Variants in KSR2 observed in about 807,000 individuals in gnomAD.
The protein encoded by KSR2 is kinase suppressor of ras 2.
Under a neutral mutation model 107.8 loss-of-function variants are expected in KSR2, and 25 were observed. That is an observed-to-expected ratio of 0.23 (90% confidence interval 0.17 to 0.32). KSR2 has a LOEUF of 0.32. KSR2 is among the 10% of genes least tolerant of loss of function. KSR2 has a pLI of 1.00. For synonymous variants in KSR2, 480 were observed against 507.0 expected (o/e 0.95, Z 0.71); for missense variants, 887 against 1,268.9 (o/e 0.70, Z 4.57).
chr12:117,825,817 G>T (rs530262408), intron 3 of KSR2, among the ~76,000 whole-genome samples: 1 of 150,846 alleles, frequency 6.6e-6, no homozygotes, highest in East Asian at 2.0e-4. Flanking sequence ...ACAGATGGAA[G>T]AATGGATAGA....
intron 3 of KSR2, among the ~76,000 whole-genome samples, chr12:117,829,641 TACAA>T (rs1891882792): frequency 6.6e-6 from 1 of 152,228 alleles, no homozygotes; most frequent in African/African-American, 2.4e-5. Flanking sequence ...GACAGAGGTC[TACAA>T]ACATTTTCTA....
intron 1 of KSR2, among the ~76,000 whole-genome samples, chr12:117,964,994 T>C (rs1289349628): frequency 6.6e-6 from 1 of 152,220 alleles, no homozygotes; most frequent in Non-Finnish European, 1.5e-5. Context: ...AACATGTCAT[T>C]TCAGGCAATG....
intron 1 of KSR2, among the ~76,000 whole-genome samples, chr12:117,931,818 T>C (rs955374938): frequency 2.0e-5 from 3 of 152,190 alleles, no homozygotes; most frequent in Non-Finnish European, 2.9e-5. Flanking sequence ...ATGGTTAACA[T>C]TGAGTGCCTG....
rs2136509290 is a variant in KSR2, at chr12:117,674,076, T to C, written c.987-6418A>G. On this transcript the variant is annotated intron_variant, in intron 4 of 19. Transcript: ENST00000339824. ...CTCAGCTCCAGGCCATCACCTATGC[T>C]TAGGAAAATGCATGTTTCCCAAGTA... Among the ~76,000 whole-genome samples the C allele has an allele frequency of 2.0e-5, 3 of 152,288 alleles. 1 individual carries two copies. The South Asian group carries it at 6.2e-4, about 32-fold the overall frequency.
At chr12:117,582,436 AG>A in intron 5 of KSR2, 77 bp from the exon 6 acceptor site, 1 of 1,091,160 alleles carries the variant, frequency 9.2e-7, no homozygotes, top group Non-Finnish European at 1.4e-6. Flanking sequence ...TGGAAGGAAA[AG>A]GGGGGCTCGT....
At chr12:117,648,029 CA>C (rs1883728632) in intron 5 of KSR2, among the ~76,000 whole-genome samples, 1 of 152,058 alleles carries the variant, frequency 6.6e-6, no homozygotes, top group Non-Finnish European at 1.5e-5. Context: ...TTTTTAAAGA[CA>C]AAAGTTCCAG....
chr12:117,606,653 T>C (rs1404657167), intron 5 of KSR2, among the ~76,000 whole-genome samples: 3 of 116,094 alleles, frequency 2.6e-5, no homozygotes, highest in African/African-American at 3.7e-5. Flanking sequence ...CCCTTCTTCC[T>C]TCCCTCCTCC....
At chr12:117,643,441 TA>T (rs1246339069) in intron 5 of KSR2, among the ~76,000 whole-genome samples, 6 of 152,202 alleles carry the variant, frequency 3.9e-5, no homozygotes, top group Non-Finnish European at 8.8e-5. Flanking sequence ...AGCAAGACTC[TA>T]TCTCAAAAAC....
chr12:117,501,195 T>C (rs1025621684), intron 14 of KSR2, among the ~76,000 whole-genome samples: 2 of 152,236 alleles, frequency 1.3e-5, no homozygotes, highest in African/African-American at 4.8e-5. Flanking sequence ...ATAGTAAAGT[T>C]TGATTGGAAG....
At chr12:117,715,942 C>T (rs377388097) in intron 4 of KSR2, among the ~76,000 whole-genome samples, 9 of 152,170 alleles carry the variant, frequency 5.9e-5, no homozygotes, top group African/African-American at 2.2e-4. Flanking sequence ...GGCCTTTGCA[C>T]ATGTCTTCTC....
chr12:117,544,095 G>C (rs1399770216), intron 9 of KSR2, among the ~76,000 whole-genome samples: 2 of 152,188 alleles, frequency 1.3e-5, no homozygotes, highest in African/African-American at 4.8e-5. Flanking sequence ...AGGTCCTGGA[G>C]GTTAGGACTT....
rs375996613 is a variant in KSR2 at position 117,806,833 on chromosome 12, C to T, written c.473-45309G>A. On this transcript the variant is annotated intron_variant, in intron 3 of 19. Coordinates refer to ENST00000339824, the MANE Select transcript of KSR2 (RefSeq NM_173598.6). ...AGGTTCATCCACATTGCAGCATGCA[C>T]GCATATCTCATTTCTTTTAAGTTAC... 1.5e-3 allele frequency among the ~76,000 whole-genome samples: 236 copies of T among 152,316 alleles called. 1 individual carries two copies. The highest frequency in any genetic ancestry group is 5.4e-3 in the African/African-American group (224 of 41,566).
At chr12:117,492,094 G>A (rs1370781459) in intron 14 of KSR2, among the ~76,000 whole-genome samples, 1 of 152,208 alleles carries the variant, frequency 6.6e-6, no homozygotes, top group Non-Finnish European at 1.5e-5. Context: ...GGCAAGGCCT[G>A]GGAATTCTCC....
At chr12:117,808,820 T>C (rs1167500313) in intron 3 of KSR2, among the ~76,000 whole-genome samples, 1 of 152,180 alleles carries the variant, frequency 6.6e-6, no homozygotes, top group African/African-American at 2.4e-5. Flanking sequence ...CTAGATGACA[T>C]TTCCAGCCTC....
chr12:117,595,131 G>A (rs575777495), intron 5 of KSR2, among the ~76,000 whole-genome samples: 9 of 152,246 alleles, frequency 5.9e-5, no homozygotes, highest in African/African-American at 1.7e-4. Context: ...CTGGACACAC[G>A]CACAAGCTCA....
intron 3 of KSR2, among the ~76,000 whole-genome samples, chr12:117,830,913 T>C (rs1891938095): frequency 6.6e-6 from 1 of 152,182 alleles, no homozygotes; most frequent in East Asian, 1.9e-4. Context: ...GGAAAACAGA[T>C]GAGAAAATTA....
intron 1 of KSR2, among the ~76,000 whole-genome samples, chr12:117,955,305 T>G (rs1896480203): frequency 1.3e-5 from 2 of 152,008 alleles, no homozygotes; most frequent in South Asian, 2.1e-4. Context: ...TTTTTATTTT[T>G]TGTAGAGATG....
intron 9 of KSR2, among the ~76,000 whole-genome samples, chr12:117,553,401 T>C (rs1437126579): frequency 1.3e-5 from 2 of 152,166 alleles, no homozygotes; most frequent in African/African-American, 4.8e-5. Context: ...TCGAAAGCTA[T>C]TGGACGGTTT....
intron 1 of KSR2, among the ~76,000 whole-genome samples, chr12:117,887,227 T>C (rs1220748018): frequency 1.3e-5 from 2 of 151,666 alleles, no homozygotes; most frequent in Non-Finnish European, 2.9e-5. Flanking sequence ...CCCAGCCGGA[T>C]TTTTTTTTCT....
Sources: allele counts gnomAD v4.1 joint callset (sites outside exome capture counted in the v4.1 genomes callset), GRCh38; gene constraint gnomAD v4.1.1; transcripts MANE v1.5; gene names NCBI Gene and HGNC (gene_info 2026-07-23, HGNC 2026-07-21).